The following MARK1 variants were observed in gnomAD, a reference collection of about 807,000 sequenced individuals.
The protein encoded by MARK1 is serine/threonine-protein kinase MARK1.
A neutral mutation model predicts 96.3 loss-of-function variants in MARK1; 40 were observed. The observed-to-expected ratio is 0.42, with a 90% CI of 0.32 to 0.54. The LOEUF (loss-of-function observed/expected upper bound fraction) is 0.54. MARK1 is among the 20% of genes least tolerant of loss of function. MARK1 has a pLI of 0.16. For synonymous variants in MARK1, 317 were observed against 341.2 expected, an observed-to-expected ratio of 0.93 and a Z score of 0.78; for missense variants, 719 against 984.6, an observed-to-expected ratio of 0.73 and a Z score of 3.61.
intron 7 of MARK1, 49 bp downstream of exon 7, chr1:220,616,044 CAT>C: frequency 1.1e-6 from 1 of 908,692 alleles, no homozygotes; most frequent in Non-Finnish European, 1.7e-6. Flanking sequence ...TTATTATTAA[CAT>C]ATATTTAATA....
At chr1:220,610,040 T>C (rs1666345418) in intron 6 of MARK1, among the ~76,000 whole-genome samples, 1 of 152,224 alleles carries the variant, frequency 6.6e-6, no homozygotes, top group Non-Finnish European at 1.5e-5. Context: ...GGGGTTGTTC[T>C]TCTCAAGGAG....
At chr1:220,570,715 A>G (rs1663389419) in intron 1 of MARK1, among the ~76,000 whole-genome samples, 1 of 152,144 alleles carries the variant, frequency 6.6e-6, no homozygotes, top group African/African-American at 2.4e-5. Flanking sequence ...AATACACTGT[A>G]TTGGCTACTT....
intron 2 of MARK1, among the ~76,000 whole-genome samples, chr1:220,580,091 T>C (rs1664132121): frequency 6.6e-6 from 1 of 152,172 alleles, no homozygotes; most frequent in South Asian, 2.1e-4. Context: ...GTTGTGTATA[T>C]ATACCTGTAT....
At chr1:220,612,778 A>T (rs970672136) in intron 6 of MARK1, among the ~76,000 whole-genome samples, 1 of 152,210 alleles carries the variant, frequency 6.6e-6, no homozygotes, top group Non-Finnish European at 1.5e-5. Context: ...GAATGTATGT[A>T]TTAATACTGT....
intron 11 of MARK1, among the ~76,000 whole-genome samples, chr1:220,633,012 A>T (rs1667750141): frequency 6.6e-6 from 1 of 152,186 alleles, no homozygotes; most frequent in African/African-American, 2.4e-5. Context: ...TACAGACATG[A>T]TGGAAGGTGA....
At chr1:220,589,107 A>C (rs920840186) in intron 3 of MARK1, among the ~76,000 whole-genome samples, 1 of 152,172 alleles carries the variant, frequency 6.6e-6, no homozygotes, top group African/African-American at 2.4e-5. Flanking sequence ...CAATGACCAC[A>C]ATGTGCTCCT....
intron 1 of MARK1, among the ~76,000 whole-genome samples, chr1:220,531,123 C>T (rs963597841): frequency 1.3e-5 from 2 of 152,200 alleles, no homozygotes; most frequent in Non-Finnish European, 2.9e-5. Context: ...GAGGCCACCA[C>T]TGATGGCTAC....
intron 1 of MARK1, among the ~76,000 whole-genome samples, chr1:220,576,252 T>C (rs1052762480): frequency 2.0e-5 from 3 of 151,722 alleles, no homozygotes; most frequent in African/African-American, 7.3e-5. Flanking sequence ...GTTGATTAAA[T>C]CTTGGCTTAA....
chr1:220,571,957 C>T (rs989231790), intron 1 of MARK1: 22 of 152,086 alleles, frequency 1.4e-4, no homozygotes, highest in Admixed American at 1.2e-3. Context: ...TACTACAGCC[C>T]AGAACTCTTG....
Position 220,604,141 on chromosome 1 carries a change from T to C in MARK1, c.495+4T>C, listed in dbSNP as rs201479454. The C allele has an allele frequency of 6.2e-7, 1 of 1,602,920 alleles. No individual in the cohort carries two copies. Among genetic ancestry groups the C allele is most frequent in the East Asian group, 2.2e-5 (1 of 44,630 alleles). ...GGCCCGTGCAAAATTTAGGCAGGTA[T>C]GGAAAGTAGTTTTCAACTTTGTTTT... On this transcript the variant is annotated splice_donor_region_variant and intron_variant, in intron 6 of 17. Coordinates refer to ENST00000366917, the MANE Select transcript of MARK1 (RefSeq NM_018650.5).
intron 13 of MARK1, among the ~76,000 whole-genome samples, chr1:220,649,007 G>C (rs1668726822): frequency 6.6e-6 from 1 of 152,232 alleles, no homozygotes. Context: ...TGGTATGTCT[G>C]TACAGTTGCA....
Position 220,647,872 on chromosome 1 carries a change from A to G in MARK1, c.1471-2748A>G, listed in dbSNP as rs1668665217. On this transcript the variant is annotated intron_variant, in intron 13 of 17. Coordinates refer to ENST00000366917, the MANE Select transcript of MARK1 (RefSeq NM_018650.5). Reference sequence around the variant, plus strand: ...ACACATGGACACAGAGAGGGGAACAACACACACTGGGGCCTTTCAGAGGAG... The same window carrying G: ...ACACATGGACACAGAGAGGGGAACAGCACACACTGGGGCCTTTCAGAGGAG... Among the ~76,000 whole-genome samples, 6 of 152,078 alleles carry G rather than the reference A, an allele frequency of 3.9e-5. No individual in the cohort carries two copies. In the South Asian group the frequency reaches 1.2e-3, roughly 32 times the overall value.
chr1:220,537,494 A>G (rs1426869374), intron 1 of MARK1, among the ~76,000 whole-genome samples: 1 of 150,310 alleles, frequency 6.7e-6, no homozygotes, highest in African/African-American at 2.4e-5. Context: ...TCATTGTTGG[A>G]CATTTGGGTT....
chr1:220,615,746 A>G (rs77074889), intron 6 of MARK1, among the ~76,000 whole-genome samples, 193 bp from the exon 7 acceptor site: 2,875 of 152,272 alleles, frequency 0.019, 37 homozygotes, highest in Non-Finnish European at 0.031. Flanking sequence ...ATATTACTTT[A>G]CCATATTTTC....
intron 13 of MARK1, among the ~76,000 whole-genome samples, chr1:220,645,136 T>C (rs1668508919): frequency 6.6e-6 from 1 of 152,122 alleles, no homozygotes; most frequent in African/African-American, 2.4e-5. Flanking sequence ...ATCCAGAAGT[T>C]GGTTTTTGAA....
At chr1:220,600,972 A>G (rs1374301250) in intron 5 of MARK1, among the ~76,000 whole-genome samples, 2 of 151,460 alleles carry the variant, frequency 1.3e-5, no homozygotes, top group Non-Finnish European at 2.9e-5. Context: ...GGTTCACTGC[A>G]AGCTCCGCCT....
chr1:220,629,527 C>T (rs966723410), intron 9 of MARK1, among the ~76,000 whole-genome samples: 1 of 151,570 alleles, frequency 6.6e-6, no homozygotes, highest in Non-Finnish European at 1.5e-5. Flanking sequence ...TGAACAAATC[C>T]CCATTTCTCC....
chr1:220,642,645 C>T (rs1668345896), intron 13 of MARK1, among the ~76,000 whole-genome samples: 1 of 152,182 alleles, frequency 6.6e-6, no homozygotes, highest in Non-Finnish European at 1.5e-5. Flanking sequence ...TCCTTAAGGA[C>T]GTCCGTGATA....
At chr1:220,590,469 C>A (rs1275056598) in intron 3 of MARK1, among the ~76,000 whole-genome samples, 1 of 152,086 alleles carries the variant, frequency 6.6e-6, no homozygotes, top group Admixed American at 6.5e-5. Context: ...CTTTTTAGGA[C>A]ACCAGTCATA....
Sources: allele counts gnomAD v4.1 joint callset (sites outside exome capture counted in the v4.1 genomes callset), GRCh38; gene constraint gnomAD v4.1.1; transcripts MANE v1.5; gene names NCBI Gene and HGNC (gene_info 2026-07-23, HGNC 2026-07-21).